CDC25C: variants seen among roughly 807,000 people sequenced by gnomAD.
CDC25C encodes cell division cycle 25C.
A neutral mutation model predicts 52.5 loss-of-function variants in CDC25C; 48 were observed. The ratio of observed to expected loss-of-function variants is 0.91; its 90% CI spans 0.72 to 1.16. The LOEUF (loss-of-function observed/expected upper bound fraction) is 1.16. Among genes scored for constraint, CDC25C ranks in the 50% most tolerant of loss-of-function variants. The pLI is 0.00. For synonymous variants in CDC25C, 187 were observed against 206.5 expected (o/e 0.91, Z 0.81); for missense variants, 510 against 566.1 (o/e 0.90, Z 1.01).
At chr5:138,328,774 G>GTTT in intron 3 of CDC25C, 1 of 283,872 alleles carries the variant, frequency 3.5e-6, no homozygotes, top group South Asian at 1.3e-4. Flanking sequence ...TACCTATGGA[G>GTTT]TTTTTTTTTT....
At chr5:138,309,545 A>G (rs560150402) in intron 7 of CDC25C, among the ~76,000 whole-genome samples, 2 of 152,188 alleles carry the variant, frequency 1.3e-5, no homozygotes, top group East Asian at 3.9e-4. Flanking sequence ...CAACAAGAGC[A>G]AAACTCCGTC....
At chr5:138,325,056 C>T (rs545933368) in intron 6 of CDC25C, among the ~76,000 whole-genome samples, 2 of 152,026 alleles carry the variant, frequency 1.3e-5, no homozygotes, top group South Asian at 4.2e-4. Flanking sequence ...GGCGATGGAG[C>T]GAGACTCAGT....
intron 7 of CDC25C, 44 bp from the exon 8 acceptor site, chr5:138,292,160 G>GC: frequency 6.4e-7 from 1 of 1,557,124 alleles, no homozygotes; most frequent in Non-Finnish European, 8.8e-7. Flanking sequence ...TCCTCCAAGT[G>GC]TGTCTGCAGA....
At chr5:138,323,784 C>T (rs1759623860) in intron 6 of CDC25C, among the ~76,000 whole-genome samples, 1 of 151,742 alleles carries the variant, frequency 6.6e-6, no homozygotes, top group South Asian at 2.1e-4. Context: ...ATGGTGAAAC[C>T]CCGTCTCTAC....
intron 7 of CDC25C, among the ~76,000 whole-genome samples, chr5:138,294,713 C>G (rs1181335710): frequency 6.6e-6 from 1 of 151,958 alleles, no homozygotes; most frequent in Non-Finnish European, 1.5e-5. Flanking sequence ...ACCATCTTAG[C>G]CAGGATGGTC....
rs1439868279 is a variant in CDC25C, at chr5:138,313,988, TTTCTTTC to T, written c.615+5224_615+5230del. On this transcript the variant is annotated intron_variant, in intron 7 of 13. Transcript: ENST00000323760. ...TTTTCTTTCTTTCTTTCTTTCTTTC[TTTCTTTC>T]TTTTTTTTTTTTTTTTGAGATGGAG... 4.1e-4 allele frequency among the ~76,000 whole-genome samples: 43 copies of T among 105,554 alleles called. 1 individual carries two copies. The highest frequency in any genetic ancestry group is 9.4e-4 in the African/African-American group (30 of 31,972). The allele number at this position is 105,554 out of a possible 152,430, so 69.2% of individuals were successfully genotyped here.
At chr5:138,286,305 C>T (rs1194633816) in intron 12 of CDC25C, among the ~76,000 whole-genome samples, 172 bp from the exon 13 acceptor site, 1 of 152,154 alleles carries the variant, frequency 6.6e-6, no homozygotes, top group Admixed American at 6.6e-5. Context: ...TTCCTCCTTT[C>T]CTCCACTGCA....
In CDC25C at chr5:138,331,225, G is replaced by A. The variant is rs769385442; in HGVS notation, c.-38-7C>T. 4 of 1,570,490 alleles carry A rather than the reference G, an allele frequency of 2.5e-6. No homozygotes were observed. Among genetic ancestry groups the A allele is most frequent in the Non-Finnish European group, 3.5e-6 (4 of 1,142,024 alleles). ...GGAGAAAAACAAAACCTAGCTAGGA[G>A]GAAAACGTCATCTAAATCGGTACAT... On this transcript the variant is annotated splice_polypyrimidine_tract_variant and splice_region_variant and intron_variant, in intron 1 of 13. Coordinates refer to ENST00000323760, the MANE Select transcript of CDC25C (RefSeq NM_001790.5).
intron 7 of CDC25C, among the ~76,000 whole-genome samples, chr5:138,303,866 T>A (rs1183755635): frequency 6.6e-6 from 1 of 152,140 alleles, no homozygotes; most frequent in Non-Finnish European, 1.5e-5. Flanking sequence ...AGTGAATAAA[T>A]GAATGAATGA....
At position 138,292,095 on chromosome 5, in the gene CDC25C, G is replaced by T. The variant is rs114224600; in HGVS notation, c.637C>A (p.Arg213Ser). The T allele has an allele frequency of 6.2e-7, 1 of 1,612,666 alleles. No homozygotes were observed. Among genetic ancestry groups the T allele is most frequent in the Admixed American group, 1.7e-5 (1 of 59,836 alleles). The stretch of plus-strand genomic sequence containing the variant: ...AAGTTCTCTGGCATCGACGGGGAGC[G>T]ATATAGGCCACTTCTGCTCACCTGT... ...EAKVSRSGLY[R>S]SPSMPENLNR... Residue 213 changes from arginine (R) to serine (S), a missense_variant, in exon 8 of 14, where the codon CGC becomes AGC. Transcript: ENST00000323760.
chr5:138,292,502 A>AC (rs1337655447), intron 7 of CDC25C, among the ~76,000 whole-genome samples: 2 of 151,700 alleles, frequency 1.3e-5, no homozygotes, highest in Non-Finnish European at 2.9e-5. Context: ...AAAAAAAAAA[A>AC]ACATAAGTCC....
At chr5:138,300,569 A>G (rs1195841201) in intron 7 of CDC25C, among the ~76,000 whole-genome samples, 1 of 152,164 alleles carries the variant, frequency 6.6e-6, no homozygotes, top group Non-Finnish European at 1.5e-5. Flanking sequence ...TCTCAAAAAA[A>G]AAAAATTGAT....
At chr5:138,307,996 A>G (rs1455941715) in intron 7 of CDC25C, among the ~76,000 whole-genome samples, 2 of 152,094 alleles carry the variant, frequency 1.3e-5, no homozygotes, top group African/African-American at 4.8e-5. Flanking sequence ...GATCCCTCGC[A>G]TGCGCAGTTC....
In CDC25C at chr5:138,286,132, A is replaced by G; in HGVS notation, c.1162T>C (p.Cys388Arg). The G allele has an allele frequency of 6.2e-7, 1 of 1,611,428 alleles. No homozygotes were observed. The highest frequency in any genetic ancestry group is 8.5e-7 in the Non-Finnish European group (1 of 1,178,072). ...CTGTCCTCTTCACGCAGACAGCGGC[A>G]CCTTTAGAGAGAACCCAGAGATGGG... Reference protein sequence around the residue: ...EFSSERGPRMCRCLREEDRSL... With the variant: ...EFSSERGPRMRRCLREEDRSL... The change falls in exon 13 of 14, where the codon TGC (cysteine) becomes CGC (arginine). Residue 388 changes from cysteine (C) to arginine (R), a missense_variant and splice_region_variant. Cys to Arg is a radical substitution (Grantham distance 180). Transcript: ENST00000323760.
intron 7 of CDC25C, among the ~76,000 whole-genome samples, chr5:138,295,312 G>C (rs1056656331): frequency 6.6e-6 from 1 of 152,150 alleles, no homozygotes; most frequent in Admixed American, 6.6e-5. Flanking sequence ...TTCGCAAACA[G>C]AAACAGCTAC....
upstream of CDC25C, chr5:138,336,815 T>C (rs1209148693): frequency 6.6e-5 from 10 of 152,350 alleles, no homozygotes; most frequent in East Asian, 1.7e-3. Context: ...AAGGTAAATC[T>C]TTCCACCCCT....
intron 9 of CDC25C, among the ~76,000 whole-genome samples, chr5:138,290,274 T>C (rs978594653): frequency 6.6e-6 from 1 of 151,706 alleles, no homozygotes; most frequent in African/African-American, 2.4e-5. Flanking sequence ...ACACAGACAG[T>C]AGGGGGGAAA....
upstream of CDC25C, among the ~76,000 whole-genome samples, chr5:138,334,251 C>G (rs2126864640): frequency 6.6e-6 from 1 of 152,086 alleles, no homozygotes; most frequent in Non-Finnish European, 1.5e-5. Flanking sequence ...AGACTTTTTA[C>G]AGATGCAGTG....
At chr5:138,320,948 A>C (rs866437921) in intron 6 of CDC25C, among the ~76,000 whole-genome samples, 2 of 131,964 alleles carry the variant, frequency 1.5e-5, no homozygotes, top group South Asian at 5.0e-4. Flanking sequence ...AAAAAAAAGT[A>C]GCCAGGCATA....
Sources: allele counts gnomAD v4.1 joint callset (sites outside exome capture counted in the v4.1 genomes callset), GRCh38; gene constraint gnomAD v4.1.1; transcripts MANE v1.5; gene names NCBI Gene and HGNC (gene_info 2026-07-23, HGNC 2026-07-21).